GRM7: variants seen among roughly 807,000 people sequenced by gnomAD.
GRM7 encodes the protein metabotropic glutamate receptor 7.
Under a neutral mutation model 84.5 loss-of-function variants are expected in GRM7, and 35 were observed. That is an observed-to-expected ratio of 0.41 (90% CI 0.32 to 0.55). GRM7 has a LOEUF of 0.55. Ranked by LOEUF, GRM7 falls within the 20% of genes least tolerant of loss-of-function variation. The pLI is 0.19. For synonymous variants in GRM7, 487 were observed against 455.1 expected, an observed-to-expected ratio of 1.07 and a Z score of -0.89; for missense variants, 1,003 against 1,194.6, an observed-to-expected ratio of 0.84 and a Z score of 2.36.
intron 7 of GRM7, among the ~76,000 whole-genome samples, chr3:7,545,655 A>T (rs1435279974): frequency 6.6e-6 from 1 of 152,098 alleles, no homozygotes; most frequent in African/African-American, 2.4e-5. Flanking sequence ...TAGCAAATTG[A>T]ATATATGGAG....
chr3:7,672,008 C>T (rs1699936558), intron 8 of GRM7, among the ~76,000 whole-genome samples: 1 of 152,106 alleles, frequency 6.6e-6, no homozygotes, highest in South Asian at 2.1e-4. Flanking sequence ...AGTCTGAAAT[C>T]AGTTTTAACA....
At chr3:7,340,413 G>A (rs181888624) in intron 4 of GRM7, among the ~76,000 whole-genome samples, 1 of 152,240 alleles carries the variant, frequency 6.6e-6, no homozygotes, top group East Asian at 1.9e-4. Flanking sequence ...GTGAGAGAGT[G>A]TGTATGGGAA....
At chr3:7,260,673 T>TTTGTGTGTGTG (rs1553638949) in intron 2 of GRM7, among the ~76,000 whole-genome samples, 29 of 144,528 alleles carry the variant, frequency 2.0e-4, no homozygotes, top group Non-Finnish European at 3.6e-4. Flanking sequence ...TTCTTTTGAA[T>TTTGTGTGTGTG]TGTGTGTGTG....
chr3:7,086,821 CA>C (rs1308181008), intron 1 of GRM7, among the ~76,000 whole-genome samples: 1 of 152,186 alleles, frequency 6.6e-6, no homozygotes, highest in African/African-American at 2.4e-5. Context: ...AGGAGAGATC[CA>C]GGCTCAAAAT....
At chr3:7,084,080 G>A (rs181044422) in intron 1 of GRM7, among the ~76,000 whole-genome samples, 2 of 152,214 alleles carry the variant, frequency 1.3e-5, no homozygotes, top group East Asian at 1.9e-4. Flanking sequence ...GTAGGGGCAG[G>A]GGGCAGGGAT....
At chr3:7,260,516 G>C (rs942320669) in intron 2 of GRM7, among the ~76,000 whole-genome samples, 5 of 152,014 alleles carry the variant, frequency 3.3e-5, no homozygotes, top group Non-Finnish European at 7.4e-5. Context: ...AGTATCTGAT[G>C]GCTATTTGTA....
chr3:7,394,950 G>C (rs536055245), intron 4 of GRM7, among the ~76,000 whole-genome samples: 5 of 151,206 alleles, frequency 3.3e-5, no homozygotes, highest in Non-Finnish European at 7.4e-5. Context: ...AGGCAGGAGA[G>C]TTGCTTGAAC....
At chr3:7,736,147 CATTT>C (rs1339906629) in intron 9 of GRM7, among the ~76,000 whole-genome samples, 1 of 152,048 alleles carries the variant, frequency 6.6e-6, no homozygotes, top group East Asian at 1.9e-4. Context: ...GAACAATTTT[CATTT>C]ATTTGATTTC....
At chr3:7,006,014 A>C (rs1431875056) in intron 1 of GRM7, among the ~76,000 whole-genome samples, 4 of 152,198 alleles carry the variant, frequency 2.6e-5, no homozygotes, top group Admixed American at 2.0e-4. Context: ...GCTAAGATAG[A>C]GGAGAGGTAT....
intron 2 of GRM7, among the ~76,000 whole-genome samples, chr3:7,242,068 CAACT>C (rs1697579244): frequency 1.3e-5 from 2 of 152,118 alleles, no homozygotes; most frequent in African/African-American, 4.8e-5. Context: ...TGTTAACCAC[CAACT>C]GAGGTGTTAA....
chr3:7,540,150 T>C (rs1307098913), intron 7 of GRM7, among the ~76,000 whole-genome samples: 1 of 152,160 alleles, frequency 6.6e-6, no homozygotes, highest in African/African-American at 2.4e-5. Flanking sequence ...CATTGAACGG[T>C]TGCTTTAGGA....
intron 8 of GRM7, among the ~76,000 whole-genome samples, chr3:7,603,609 T>G: frequency 6.6e-6 from 1 of 152,252 alleles, no homozygotes; most frequent in Middle Eastern, 3.4e-3. Flanking sequence ...TCAAATACAC[T>G]GTATGACTTA....
intron 1 of GRM7, among the ~76,000 whole-genome samples, chr3:7,098,468 C>A (rs1462764157): frequency 6.6e-6 from 1 of 151,908 alleles, no homozygotes; most frequent in Admixed American, 6.6e-5. Flanking sequence ...TAAGAAATGT[C>A]CAACAACAGC....
chr3:7,163,395 C>T (rs940672633), intron 2 of GRM7, among the ~76,000 whole-genome samples: 3 of 152,094 alleles, frequency 2.0e-5, no homozygotes, highest in African/African-American at 4.8e-5. Flanking sequence ...TAACCAGAAG[C>T]GCTTTCTCTT....
intron 1 of GRM7, among the ~76,000 whole-genome samples, chr3:7,143,053 A>G (rs186816814): frequency 2.9e-4 from 44 of 152,310 alleles, no homozygotes; most frequent in African/African-American, 1.1e-3. Context: ...AATTGCCTTT[A>G]TCAAAAGATC....
chr3:7,723,433 C>T (rs190093811), intron 9 of GRM7, among the ~76,000 whole-genome samples: 45 of 152,244 alleles, frequency 3.0e-4, no homozygotes, highest in Middle Eastern at 3.4e-3. Context: ...AATTACATCA[C>T]AAGTTGTCTG....
chr3:7,263,295 C>T (rs571000105), intron 2 of GRM7, among the ~76,000 whole-genome samples: 3 of 152,256 alleles, frequency 2.0e-5, no homozygotes, highest in East Asian at 1.9e-4. Flanking sequence ...TAACCTGCTG[C>T]GCTGGAGAGG....
chr3:7,672,656 G>A (rs986931928), intron 8 of GRM7, among the ~76,000 whole-genome samples: 3 of 148,886 alleles, frequency 2.0e-5, no homozygotes, highest in Non-Finnish European at 4.4e-5. Context: ...CCAGGCTGGA[G>A]TGCAGTGGTG....
chr3:7,034,892 T>C (rs1696328721), intron 1 of GRM7, among the ~76,000 whole-genome samples: 1 of 152,150 alleles, frequency 6.6e-6, no homozygotes, highest in Non-Finnish European at 1.5e-5. Flanking sequence ...GAGAAGGAAG[T>C]CTCAGACTTT....
Sources: allele counts gnomAD v4.1 joint callset (sites outside exome capture counted in the v4.1 genomes callset), GRCh38; gene constraint gnomAD v4.1.1; transcripts MANE v1.5; gene names NCBI Gene and HGNC (gene_info 2026-07-23, HGNC 2026-07-21).